TMEM278: variants seen among roughly 807,000 people sequenced by gnomAD.
TMEM278 encodes transmembrane protein 88B.
At chr1:1,427,012 C>T in the TMEM278 span, among the ~76,000 whole-genome samples, 1 of 147,672 alleles carries the variant, frequency 6.8e-6, no homozygotes, top group African/African-American at 2.5e-5. Context: ...CAGCGGCCCG[C>T]CCCCTCCCCT....
At chr1:1,428,977 G>A in the TMEM278 span, among the ~76,000 whole-genome samples, 1 of 147,784 alleles carries the variant, frequency 6.8e-6, no homozygotes, top group African/African-American at 2.5e-5. Flanking sequence ...TCTAGCTTGG[G>A]CGAAAGAGCG....
At chr1:1,427,420 C>T in the TMEM278 span, 7 of 148,746 alleles carry the variant, frequency 4.7e-5, no homozygotes, top group Non-Finnish European at 6.7e-5. Context: ...TCCATCATCC[C>T]GCCCGCTCCC....
the TMEM278 span, chr1:1,426,459 T>C: frequency 8.2e-7 from 1 of 1,223,428 alleles, no homozygotes; most frequent in Non-Finnish European, 1.1e-6. Flanking sequence ...CTGAAGGCAC[T>C]GTGCCCCCTT....
the TMEM278 span, chr1:1,426,275 C>T: frequency 8.7e-6 from 13 of 1,492,310 alleles, no homozygotes; most frequent in Admixed American, 1.3e-4. Context: ...GCTGCCCGGC[C>T]GGCTGCTGGC....
chr1:1,429,854 C>T, the TMEM278 span, among the ~76,000 whole-genome samples: 2 of 152,064 alleles, frequency 1.3e-5, no homozygotes, highest in African/African-American at 4.8e-5. Context: ...CAGGCCTCCA[C>T]ACTACTCTGT....
At chr1:1,427,725 C>A in the TMEM278 span, 4 of 1,309,198 alleles carry the variant, frequency 3.1e-6, no homozygotes, top group Non-Finnish European at 2.9e-6. Flanking sequence ...CGCTGGGACC[C>A]CCGGACCCCG....
At chr1:1,427,789 C>T in the TMEM278 span, 3 of 1,379,296 alleles carry the variant, frequency 2.2e-6, no homozygotes, top group Admixed American at 3.1e-5. Context: ...TGGGTGTGAC[C>T]CGGCGGCCGC....
At chr1:1,427,830 G>A in the TMEM278 span, 2 of 1,359,144 alleles carry the variant, frequency 1.5e-6, no homozygotes, top group Non-Finnish European at 1.9e-6. Context: ...CCGAGCTCGC[G>A]CGCGACCCCA....
the TMEM278 span, among the ~76,000 whole-genome samples, chr1:1,430,047 G>A: frequency 2.0e-5 from 3 of 152,050 alleles, no homozygotes; most frequent in East Asian, 1.9e-4. Flanking sequence ...TTGTAGAGAC[G>A]GGGTCTCATC....
the TMEM278 span, chr1:1,426,210 C>G: frequency 7.1e-7 from 1 of 1,413,656 alleles, no homozygotes; most frequent in Non-Finnish European, 9.3e-7. Flanking sequence ...CCCCGGGGAC[C>G]TCCCGACCAC....
chr1:1,428,519 C>G, the TMEM278 span, among the ~76,000 whole-genome samples: 4 of 152,160 alleles, frequency 2.6e-5, no homozygotes, highest in Admixed American at 2.6e-4. Context: ...GAGCTCACAC[C>G]CACCCTGTTT....
At chr1:1,427,718 TGGGACCCCCGGACCCCGCCGCCCCCCG>T in the TMEM278 span, 1 of 1,317,938 alleles carries the variant, frequency 7.6e-7, no homozygotes, top group South Asian at 1.9e-5. Context: ...CTCCGCCCGC[TGGGACCCCCGGACCCCGCCGCCCCCCG>T]GGGCGCCCCG....
the TMEM278 span, among the ~76,000 whole-genome samples, chr1:1,428,751 A>G: frequency 6.6e-6 from 1 of 152,326 alleles, no homozygotes; most frequent in Non-Finnish European, 1.5e-5. Context: ...CTGTAATCCC[A>G]GCACTTTGGG....
At chr1:1,426,630 C>T in the TMEM278 span, among the ~76,000 whole-genome samples, 1 of 152,122 alleles carries the variant, frequency 6.6e-6, no homozygotes, top group Admixed American at 6.5e-5. Flanking sequence ...CCAGGGGCCA[C>T]CAGGGCCTGG....
At chr1:1,429,423 C>T in the TMEM278 span, among the ~76,000 whole-genome samples, 1 of 150,574 alleles carries the variant, frequency 6.6e-6, no homozygotes, top group African/African-American at 2.4e-5. Context: ...TTTTTATGGT[C>T]TCTTGATACA....
the TMEM278 span, among the ~76,000 whole-genome samples, chr1:1,427,019 C>T: frequency 6.7e-6 from 1 of 149,798 alleles, no homozygotes; most frequent in Non-Finnish European, 1.5e-5. Context: ...CCGCCCCCTC[C>T]CCTCTCCCCG....
chr1:1,428,999 C>CAAAAA, the TMEM278 span, among the ~76,000 whole-genome samples: 1 of 93,298 alleles, frequency 1.1e-5, no homozygotes, highest in Non-Finnish European at 2.3e-5. Context: ...GGCTCCGTCT[C>CAAAAA]AAAAAAAAAA....
At chr1:1,428,681 C>T in the TMEM278 span, among the ~76,000 whole-genome samples, 2 of 152,096 alleles carry the variant, frequency 1.3e-5, no homozygotes, top group African/African-American at 4.8e-5. Flanking sequence ...CTGATTAACT[C>T]ATTCATTTTA....
chr1:1,427,154 C>T, the TMEM278 span, among the ~76,000 whole-genome samples: 3 of 148,482 alleles, frequency 2.0e-5, no homozygotes, highest in East Asian at 4.0e-4. Context: ...CTCTATCGCC[C>T]ACTCCTCTCT....
Sources: gnomAD v4.1 joint callset for allele counts (sites outside exome capture counted in the v4.1 genomes callset) on GRCh38, gnomAD v4.1.1 for gene constraint, MANE v1.5 for transcripts, NCBI Gene and HGNC (gene_info 2026-07-23, HGNC 2026-07-21) for gene names.